The following ADGRA3 variants were observed in gnomAD, a reference collection of about 807,000 sequenced individuals.
ADGRA3 encodes G-protein coupled receptor 125.
In ADGRA3, 56 loss-of-function variants were observed where a neutral mutation model predicts 119.8. That is an observed-to-expected ratio of 0.47 (90% CI 0.38 to 0.58). The LOEUF is 0.58. ADGRA3 is among the 20% of genes least tolerant of loss of function. The pLI is 0.00. For synonymous variants in ADGRA3, 607 were observed against 623.8 expected, an observed-to-expected ratio of 0.97 and a Z score of 0.40; for missense variants, 1,516 against 1,649.0, an observed-to-expected ratio of 0.92 and a Z score of 1.40.
At chr4:22,410,121 AAG>A (rs1480840124) in intron 14 of ADGRA3, among the ~76,000 whole-genome samples, 2 of 151,248 alleles carry the variant, frequency 1.3e-5, no homozygotes, top group Admixed American at 6.6e-5. Flanking sequence ...ACAAATGTAA[AAG>A]AATCACTAGA....
At chr4:22,438,590 A>G (rs537111993) in intron 7 of ADGRA3, among the ~76,000 whole-genome samples, 170 bp from the exon 8 acceptor site, 20 of 152,304 alleles carry the variant, frequency 1.3e-4, no homozygotes, top group African/African-American at 4.8e-4. Context: ...AAATCCTTCA[A>G]TCTCAAGGCA....
At chr4:22,471,761 T>C (rs1040801994) in intron 2 of ADGRA3, among the ~76,000 whole-genome samples, 1 of 152,192 alleles carries the variant, frequency 6.6e-6, no homozygotes, top group Non-Finnish European at 1.5e-5. Context: ...CTTATCTGTA[T>C]ATTTATCTCT....
chr4:22,424,399 A>C (rs770851985), intron 10 of ADGRA3, 47 bp from the exon 11 acceptor site: 8 of 1,577,232 alleles, frequency 5.1e-6, no homozygotes, highest in East Asian at 2.3e-5. Context: ...AAACCACCAT[A>C]AACTATTTCG....
chr4:22,468,768 CAA>C (rs534557483), intron 2 of ADGRA3, among the ~76,000 whole-genome samples: 6 of 104,282 alleles, frequency 5.8e-5, no homozygotes, highest in South Asian at 3.1e-4. Flanking sequence ...GACTCTGTCT[CAA>C]AAAAAAAAAA....
chr4:22,432,380 G>A (rs1716215573), intron 10 of ADGRA3, among the ~76,000 whole-genome samples: 1 of 151,874 alleles, frequency 6.6e-6, no homozygotes, highest in Non-Finnish European at 1.5e-5. Context: ...TACGAACAAA[G>A]TCCTAGAAAA....
intron 11 of ADGRA3, 46 bp from the exon 12 acceptor site, chr4:22,421,135 A>C: frequency 6.6e-7 from 1 of 1,512,668 alleles, no homozygotes; most frequent in Admixed American, 1.7e-5. Context: ...TTATAGCACA[A>C]AGGAAAAGCA....
chr4:22,468,676 G>T (rs947247307), intron 2 of ADGRA3, among the ~76,000 whole-genome samples: 7 of 151,804 alleles, frequency 4.6e-5, no homozygotes, highest in Admixed American at 1.3e-4. Context: ...GGCTGAGACA[G>T]GAGAATCGCT....
intron 1 of ADGRA3, among the ~76,000 whole-genome samples, chr4:22,513,689 T>G (rs1020018174): frequency 2.0e-5 from 3 of 151,082 alleles, no homozygotes; most frequent in Non-Finnish European, 4.4e-5. Flanking sequence ...TTTTTGTATT[T>G]TTAGTAGAGA....
intron 1 of ADGRA3, chr4:22,514,363 T>TA (rs1438155131): frequency 2.0e-5 from 3 of 152,126 alleles, no homozygotes; most frequent in Non-Finnish European, 4.4e-5. Context: ...CCTCCATAAA[T>TA]AGACACATAG....
intron 1 of ADGRA3, among the ~76,000 whole-genome samples, chr4:22,514,236 T>G (rs138053295): frequency 5.5e-4 from 83 of 149,574 alleles, no homozygotes; most frequent in African/African-American, 2.1e-3. Flanking sequence ...ATACCGAAAA[T>G]TTCCACTTCA....
intron 3 of ADGRA3, chr4:22,455,777 G>T: frequency 1.6e-6 from 2 of 1,271,704 alleles, no homozygotes; most frequent in Non-Finnish European, 2.1e-6. Flanking sequence ...CTTTATGTTG[G>T]GAGATAACCA....
At chr4:22,436,387 T>G (rs1716393785) in intron 9 of ADGRA3, 53 bp downstream of exon 9, 2 of 1,437,440 alleles carry the variant, frequency 1.4e-6, no homozygotes, top group Non-Finnish European at 1.9e-6. Flanking sequence ...GTATTTGGTT[T>G]GAATACCATG....
chr4:22,433,016 T>C (rs1285120934), intron 10 of ADGRA3, among the ~76,000 whole-genome samples: 3 of 152,242 alleles, frequency 2.0e-5, no homozygotes, highest in African/African-American at 7.2e-5. Flanking sequence ...TCAAGCCTCC[T>C]AGTTTTTTTC....
At chr4:22,429,347 T>C (rs147030984) in intron 10 of ADGRA3, among the ~76,000 whole-genome samples, 1 of 152,302 alleles carries the variant, frequency 6.6e-6, no homozygotes, top group African/African-American at 2.4e-5. Context: ...ACAGTTATCT[T>C]TGTTAATGCA....
At chr4:22,463,579 C>T (rs111989826) in intron 2 of ADGRA3, among the ~76,000 whole-genome samples, 1 of 152,218 alleles carries the variant, frequency 6.6e-6, no homozygotes, top group Admixed American at 6.5e-5. Flanking sequence ...CACAGATTCA[C>T]GTGTTTTCTT....
chr4:22,412,215 G>T (rs1178545490), intron 14 of ADGRA3, among the ~76,000 whole-genome samples: 1 of 151,976 alleles, frequency 6.6e-6, no homozygotes, highest in Non-Finnish European at 1.5e-5. Context: ...TTTCACACTC[G>T]TCAGTAATTC....
At chr4:22,445,243 C>A (rs892657108) in intron 5 of ADGRA3, 110 bp from the exon 6 acceptor site, 8 of 898,550 alleles carry the variant, frequency 8.9e-6, no homozygotes, top group Non-Finnish European at 1.4e-5. Context: ...TTCACCCATA[C>A]CATGCCTAAA....
At chr4:22,470,407 GAAAC>G (rs551896796) in intron 2 of ADGRA3, among the ~76,000 whole-genome samples, 12 of 151,450 alleles carry the variant, frequency 7.9e-5, no homozygotes, top group African/African-American at 2.9e-4. Flanking sequence ...GGCAAGATCA[GAAAC>G]AAACAATGGG....
At chr4:22,451,600 G>A (rs1290505620) in intron 4 of ADGRA3, among the ~76,000 whole-genome samples, 1 of 150,744 alleles carries the variant, frequency 6.6e-6, no homozygotes, top group Admixed American at 6.6e-5. Flanking sequence ...TAAAGAAAGG[G>A]TTGTTTTTTC....
Sources: gnomAD v4.1 joint callset for allele counts (sites outside exome capture counted in the v4.1 genomes callset) on GRCh38, gnomAD v4.1.1 for gene constraint, MANE v1.5 for transcripts, NCBI Gene and HGNC (gene_info 2026-07-23, HGNC 2026-07-21) for gene names.